EYS: variants seen among roughly 807,000 people sequenced by gnomAD.
EYS encodes EGF-like photoreceptor maintenance factor.
In EYS, 250 loss-of-function variants were observed where a neutral mutation model predicts 282.1. The observed-to-expected ratio is 0.89, with a 90% CI of 0.80 to 0.98. The LOEUF (loss-of-function observed/expected upper bound fraction) is 0.98. Ranked by LOEUF, EYS falls within the 50% of genes least tolerant of loss-of-function variation. EYS has a pLI of 0.00. For missense variants in EYS, 4,016 were observed against 3,709.0 expected (o/e 1.08, Z -2.15); for synonymous variants, 1,355 against 1,282.9 (o/e 1.06, Z -1.20).
intron 35 of EYS, among the ~76,000 whole-genome samples, chr6:63,905,479 G>T (rs537348970): frequency 6.6e-6 from 1 of 151,632 alleles, no homozygotes; most frequent in Non-Finnish European, 1.5e-5. Flanking sequence ...ACAGGCGCCC[G>T]CCACCACGCC....
chr6:65,234,027 T>G (rs1264951690), intron 12 of EYS, among the ~76,000 whole-genome samples: 8 of 152,198 alleles, frequency 5.3e-5, no homozygotes, highest in African/African-American at 1.7e-4. Context: ...CATTTCCGGC[T>G]GCTCTGTTGT....
At chr6:65,338,772 T>C (rs1405426746) in intron 10 of EYS, among the ~76,000 whole-genome samples, 3 of 151,100 alleles carry the variant, frequency 2.0e-5, no homozygotes, top group Non-Finnish European at 4.5e-5. Context: ...CAGCTGGAAA[T>C]TCCCTTTTTG....
At chr6:65,326,513 T>G (rs896504367) in intron 11 of EYS, among the ~76,000 whole-genome samples, 1 of 151,604 alleles carries the variant, frequency 6.6e-6, no homozygotes, top group African/African-American at 2.4e-5. Context: ...TTTTAATACC[T>G]TGTTTTAATA....
chr6:65,537,048 G>A (rs1252286915), intron 2 of EYS, among the ~76,000 whole-genome samples: 1 of 152,114 alleles, frequency 6.6e-6, no homozygotes, highest in African/African-American at 2.4e-5. Context: ...TCCCTTGCAG[G>A]GACAGGGATG....
At chr6:65,295,814 C>T in intron 12 of EYS, 49 bp downstream of exon 12, 1 of 1,380,224 alleles carries the variant, frequency 7.2e-7, no homozygotes, top group Non-Finnish European at 9.9e-7. Flanking sequence ...AATATATTAA[C>T]AACATTATTT....
chr6:63,747,169 A>G (rs1031621098), intron 41 of EYS, among the ~76,000 whole-genome samples: 3 of 152,184 alleles, frequency 2.0e-5, no homozygotes, highest in African/African-American at 7.2e-5. Context: ...CTGGTTTCAA[A>G]GAACTTATTT....
At chr6:65,667,753 C>T (rs1489980027) in intron 1 of EYS, among the ~76,000 whole-genome samples, 1 of 151,636 alleles carries the variant, frequency 6.6e-6, no homozygotes, top group East Asian at 1.9e-4. Flanking sequence ...TACATTTTTC[C>T]CACCCAGAAC....
intron 29 of EYS, among the ~76,000 whole-genome samples, chr6:64,346,757 G>A (rs1771418112): frequency 6.6e-6 from 1 of 151,282 alleles, no homozygotes; most frequent in South Asian, 2.1e-4. Flanking sequence ...AATAGATGTG[G>A]GTAGTAATGA....
At chr6:65,624,280 G>A (rs1468354053) in intron 2 of EYS, among the ~76,000 whole-genome samples, 6 of 152,086 alleles carry the variant, frequency 3.9e-5, no homozygotes, top group African/African-American at 4.8e-5. Flanking sequence ...ATTGGGGTTG[G>A]CAGTTTTGCC....
At chr6:65,015,115 CT>C (rs924518875) in intron 13 of EYS, among the ~76,000 whole-genome samples, 36 of 152,236 alleles carry the variant, frequency 2.4e-4, no homozygotes, top group African/African-American at 8.7e-4. Flanking sequence ...CAATACCTAC[CT>C]CATTTTAGAC....
At chr6:65,691,338 A>G (rs1769234500) in intron 1 of EYS, among the ~76,000 whole-genome samples, 1 of 150,274 alleles carries the variant, frequency 6.7e-6, no homozygotes. Context: ...ACCAGTGATG[A>G]TGAGCTTTTT....
chr6:64,157,044 CT>C (rs1774948149), intron 31 of EYS, among the ~76,000 whole-genome samples: 4 of 126,106 alleles, frequency 3.2e-5, no homozygotes, highest in Non-Finnish European at 4.9e-5. Context: ...TACCTCCCCC[CT>C]CCCCCCACCC....
chr6:65,285,371 A>G (rs965743343), intron 12 of EYS, among the ~76,000 whole-genome samples: 3 of 152,012 alleles, frequency 2.0e-5, no homozygotes, highest in African/African-American at 7.2e-5. Context: ...CATTGTAGCA[A>G]AAATAACAAA....
At chr6:63,819,603 A>G (rs758797798) in intron 36 of EYS, among the ~76,000 whole-genome samples, 28 of 152,226 alleles carry the variant, frequency 1.8e-4, no homozygotes, top group Non-Finnish European at 1.5e-5. Context: ...GCTGCCACAG[A>G]GTCTTTAATA....
At chr6:63,846,495 C>T (rs1772101172) in intron 36 of EYS, among the ~76,000 whole-genome samples, 1 of 152,204 alleles carries the variant, frequency 6.6e-6, no homozygotes, top group South Asian at 2.1e-4. Context: ...TTCAAAAATA[C>T]CCTTGGCCAC....
intron 29 of EYS, among the ~76,000 whole-genome samples, chr6:64,387,832 A>G (rs1772963171): frequency 6.6e-6 from 1 of 152,098 alleles, no homozygotes; most frequent in Non-Finnish European, 1.5e-5. Flanking sequence ...GTATCACATC[A>G]AATATGCTCG....
chr6:64,460,722 C>T (rs1414945802), intron 26 of EYS, among the ~76,000 whole-genome samples: 1 of 152,176 alleles, frequency 6.6e-6, no homozygotes, highest in Admixed American at 6.5e-5. Context: ...AGCTTTAATT[C>T]TTCTTAATGT....
intron 7 of EYS, among the ~76,000 whole-genome samples, chr6:65,398,806 T>C (rs537388446): frequency 9.2e-5 from 14 of 152,250 alleles, no homozygotes; most frequent in African/African-American, 2.6e-4. Flanking sequence ...TGTTCAAAAC[T>C]GACATCTTGT....
At chr6:65,687,213 T>A (rs768906040) in intron 1 of EYS, among the ~76,000 whole-genome samples, 2 of 151,980 alleles carry the variant, frequency 1.3e-5, no homozygotes, top group Non-Finnish European at 2.9e-5. Flanking sequence ...GCACTGAGAC[T>A]ACTTAAAAAG....
Sources: gnomAD v4.1 joint callset for allele counts (sites outside exome capture counted in the v4.1 genomes callset) on GRCh38, gnomAD v4.1.1 for gene constraint, MANE v1.5 for transcripts, NCBI Gene and HGNC (gene_info 2026-07-23, HGNC 2026-07-21) for gene names.